GBP3: variants seen among roughly 807,000 people sequenced by gnomAD.
The protein encoded by GBP3 is guanylate-binding protein 3.
GBP3 carries 55 observed loss-of-function variants against 62.4 expected under a neutral mutation model. The ratio of observed to expected loss-of-function variants is 0.88; its 90% CI spans 0.71 to 1.10. The LOEUF (loss-of-function observed/expected upper bound fraction) is 1.10. GBP3 is among the 50% of genes least tolerant of loss of function. The pLI, the probability that GBP3 is intolerant of heterozygous loss-of-function variation, is 0.00. For missense variants in GBP3, 605 were observed against 690.6 expected, an observed-to-expected ratio of 0.88 and a Z score of 1.39; for synonymous variants, 208 against 259.2, an observed-to-expected ratio of 0.80 and a Z score of 1.90.
In GBP3 at chr1:89,009,442, G is replaced by T. The variant is rs188919484; in HGVS notation, c.1415C>A (p.Ala472Glu). Residue 472 changes from alanine to glutamate, a missense_variant, in exon 9 of 11, where the codon GCA becomes GAA. Around this residue, in one of 3 missense-constraint regions of GBP3, gnomAD observed 160 missense variants for 147.8 expected, o/e 1.08. Coordinates refer to ENST00000370481, the MANE Select transcript of GBP3 (RefSeq NM_018284.3). ...GAGAATCTGGTCTGTCTGTAGAATT[G>T]CATCGGTCACAGACTCCTTGGATTT... ...YLKSKESVTDAILQTDQILTE... is the reference protein window; with the variant it reads ...YLKSKESVTDEILQTDQILTE... 1 of 1,614,074 alleles carries T rather than the reference G, an allele frequency of 6.2e-7. No homozygotes were observed. The highest frequency in any genetic ancestry group is 8.5e-7 in the Non-Finnish European group (1 of 1,179,986).
intron 4 of GBP3, 70 bp from the exon 5 acceptor site, chr1:89,014,349 C>A: frequency 6.2e-7 from 1 of 1,609,010 alleles, no homozygotes; most frequent in Non-Finnish European, 8.5e-7. Flanking sequence ...CAACACATTC[C>A]CAAACCTTCC....
chr1:89,018,221 A>G (rs1034858104), intron 2 of GBP3, among the ~76,000 whole-genome samples: 12 of 152,260 alleles, frequency 7.9e-5, no homozygotes, highest in African/African-American at 2.9e-4. Context: ...GACTGCCAGA[A>G]TGAGCCAACG....
At chr1:89,009,316 A>T in intron 9 of GBP3, 76 bp downstream of exon 9, 1 of 1,494,906 alleles carries the variant, frequency 6.7e-7, no homozygotes, top group Non-Finnish European at 9.1e-7. Flanking sequence ...CAAATTATTT[A>T]AAATTTTAAA....
intron 2 of GBP3, among the ~76,000 whole-genome samples, chr1:89,018,200 G>A (rs10922540): frequency 0.72 from 109,128 of 152,164 alleles, 39,548 homozygotes; most frequent in Non-Finnish European, 0.78. Flanking sequence ...TGCAAAGACA[G>A]TGCCAGGTTG....
In GBP3 at chr1:89,010,972, A is replaced by G. The variant is rs760485167; in HGVS notation, c.1294T>C (p.Cys432Arg). Residue 432 changes from cysteine (C) to arginine (R), a missense_variant, in exon 8 of 11, where the codon TGT (cysteine) becomes CGT (arginine). Cys to Arg is a radical substitution (Grantham distance 180). This residue lies in a region of GBP3 where 137 missense variants were observed against 224.7 expected (regional missense o/e 0.61). Coordinates refer to ENST00000370481, the MANE Select transcript of GBP3 (RefSeq NM_018284.3). ...TCTTGTAGCTTCTGAATAAAGAGAC[A>G]ATAGCCCCCTGGTTTCGAATAAATT... ...AGIYSKPGGY[C>R]LFIQKLQDLE... 20 of 1,461,688 alleles carry G rather than the reference A, an allele frequency of 1.4e-5. 4 individuals carry two copies. Among genetic ancestry groups the G allele is most frequent in the East Asian group, 4.6e-5 (2 of 43,200 alleles). 90.5% of individuals were successfully genotyped at this position (1,461,688 alleles called of 1,614,324 possible).
In GBP3 at chr1:89,010,806, C is replaced by CAA. The variant is rs1678516679; in HGVS notation, c.1362+96_1362+97dup. ...AATGAAAGCATGAATGTTATACAGACAAAAAAGCACATCTGTGTGCAGTGA... is the reference window on the plus strand; with the variant it reads ...AATGAAAGCATGAATGTTATACAGACAAAAAAAAGCACATCTGTGTGCAGTGA... On this transcript the variant is annotated intron_variant, in intron 8 of 10. Coordinates refer to ENST00000370481, the MANE Select transcript of GBP3 (RefSeq NM_018284.3). 4 of 1,384,778 alleles carry CAA rather than the reference C, an allele frequency of 2.9e-6. No homozygotes were observed. The East Asian group carries it at 7.0e-5, about 24-fold the overall frequency. The allele number at this position is 1,384,778 out of a possible 1,614,324, so 85.8% of individuals were successfully genotyped here. A position where few individuals can be genotyped will look rare whatever the true frequency, so the allele number is the denominator to read the frequency against.
At chr1:89,021,789 G>GAGAGAC (rs1491370352) in intron 1 of GBP3, among the ~76,000 whole-genome samples, 21 of 9,192 alleles carry the variant, frequency 2.3e-3, no homozygotes, top group Non-Finnish European at 4.5e-4. Flanking sequence ...CTGGAAAGAT[G>GAGAGAC]AGAGAGAGAG....
intron 9 of GBP3, 98 bp downstream of exon 9, chr1:89,009,294 G>A (rs1004458985): frequency 1.9e-5 from 27 of 1,438,980 alleles, no homozygotes; most frequent in East Asian, 2.5e-5. Flanking sequence ...ATGGAACTTA[G>A]GTTTATCCAG....
intron 10 of GBP3, among the ~76,000 whole-genome samples, chr1:89,008,398 G>T (rs1401803486): frequency 6.7e-6 from 1 of 150,054 alleles, no homozygotes; most frequent in African/African-American, 2.5e-5. Context: ...CACAAACTGT[G>T]AGTAGGGCAC....
In GBP3 at chr1:89,008,975, T is replaced by G. The variant is rs781574139; in HGVS notation, c.1631A>C (p.Gln544Pro). The change falls in exon 10 of 11, where the codon CAA becomes CCA. Residue 544 changes from glutamine to proline, a missense_variant. Coordinates refer to ENST00000370481, the MANE Select transcript of GBP3 (RefSeq NM_018284.3). ...AAGTTTACTAGTGAGGGTCTTCTCT[T>G]GCTCTTCCAGCAACTGGGCCCTCTC... is the stretch of plus-strand genomic sequence containing the variant. ...ERERAQLLEE[Q>P]EKTLTSKLQE... 2.5e-6 allele frequency: 4 copies of G among 1,614,064 alleles called. No individual in the cohort carries two copies. In the Admixed American group the frequency reaches 6.7e-5, roughly 27 times the overall value.
chr1:89,019,017 A>T (rs1679036317), intron 2 of GBP3, among the ~76,000 whole-genome samples: 1 of 152,218 alleles, frequency 6.6e-6, no homozygotes, highest in Non-Finnish European at 1.5e-5. Flanking sequence ...TTCTGTTGGG[A>T]ATGCTAAATG....
rs149812141 is a variant in GBP3 at position 89,008,167 on chromosome 1, A to G, written c.1660-315T>C. ...ATTTGACTTCAAATCTTCCCTATGC[A>G]TTATAGACTTTTTAACACACCTACC... On this transcript the variant is annotated intron_variant, in intron 10 of 10. Coordinates refer to ENST00000370481, the MANE Select transcript of GBP3 (RefSeq NM_018284.3). Among the ~76,000 whole-genome samples the G allele has an allele frequency of 5.0e-4, 76 of 151,994 alleles. 4 individuals carry two copies. The East Asian group carries it at 0.015, about 30-fold the overall frequency.
chr1:89,012,540 A>G (rs1286356624), intron 6 of GBP3, among the ~76,000 whole-genome samples: 2 of 138,644 alleles, frequency 1.4e-5, no homozygotes, highest in Non-Finnish European at 3.3e-5. Flanking sequence ...CACTAAGTAC[A>G]TGTAAATATA....
chr1:89,020,537 T>C lies in GBP3; in HGVS notation c.185A>G (p.Asn62Ser). Reference protein sequence around the residue: ...SYLMNKLAGKNKGFSLGSTVK... With the variant: ...SYLMNKLAGKSKGFSLGSTVK... ...GCTTTGCTCATGCCACTCACCCTTATTCTTCCCAGCTAGCTTGTTCATCAG... is the reference window on the plus strand; with the variant it reads ...GCTTTGCTCATGCCACTCACCCTTACTCTTCCCAGCTAGCTTGTTCATCAG... The change falls in exon 2 of 11, where the codon AAT becomes AGT. Residue 62 changes from asparagine (N) to serine (S), a missense_variant. Asn to Ser is a conservative substitution (Grantham distance 46). Coordinates refer to ENST00000370481, the MANE Select transcript of GBP3 (RefSeq NM_018284.3). 6.2e-7 allele frequency: 1 copy of C among 1,614,200 alleles called. No homozygotes were observed. Among genetic ancestry groups the C allele is most frequent in the Non-Finnish European group, 8.5e-7 (1 of 1,180,018 alleles).
At chr1:89,022,514 C>T (rs1679303798) in intron 1 of GBP3, among the ~76,000 whole-genome samples, 170 bp downstream of exon 1, 2 of 152,224 alleles carry the variant, frequency 1.3e-5, no homozygotes, top group Non-Finnish European at 2.9e-5. Context: ...ATGATTTTAT[C>T]TGACCTGTGT....
chr1:89,007,773 G>A lies in GBP3; in HGVS notation c.1739C>T (p.Thr580Ile). 6.2e-7 allele frequency: 1 copy of A among 1,611,852 alleles called. No individual in the cohort carries two copies. The highest frequency in any genetic ancestry group is 8.5e-7 in the Non-Finnish European group (1 of 1,179,010). Residue 580 changes from threonine (T) to isoleucine (I), a missense_variant, in exon 11 of 11, where the codon ACC becomes ATC. Thr to Ile is a moderately conservative substitution (Grantham distance 89). Transcript: ENST00000370481. The stretch of plus-strand genomic sequence containing the variant: ...ATATCTCTTGGTTTTTTTTTTCAGG[G>A]TCTTCTGTAGCTTTTGTATCTCATT... ...LQNEIQKLQKTLKKKTKRYMS... is the reference protein window; with the variant it reads ...LQNEIQKLQKILKKKTKRYMS...
At chr1:89,018,236 G>A (rs1678993436) in intron 2 of GBP3, among the ~76,000 whole-genome samples, 1 of 152,208 alleles carries the variant, frequency 6.6e-6, no homozygotes, top group Non-Finnish European at 1.5e-5. Flanking sequence ...CCAACGGGAC[G>A]TGATGTGCTT....
chr1:89,012,594 T>C (rs562976122), intron 6 of GBP3, among the ~76,000 whole-genome samples: 1 of 139,200 alleles, frequency 7.2e-6, no homozygotes, highest in Admixed American at 7.4e-5. Context: ...TAATTTTTCC[T>C]TATTTTAATT....
rs1678435196 is a variant in GBP3, at chr1:89,009,511, C to T, written c.1363-17G>A. 5 of 1,612,330 alleles carry T rather than the reference C, an allele frequency of 3.1e-6. No homozygotes were observed. The African/African-American group carries it at 6.7e-5, about 22-fold the overall frequency. On this transcript the variant is annotated splice_polypyrimidine_tract_variant and intron_variant, in intron 8 of 10. Coordinates refer to ENST00000370481, the MANE Select transcript of GBP3 (RefSeq NM_018284.3). ...CTCTTCAGCCTTAGGACCCAGAGAA[C>T]ACAGAGTGAGAAGTAGGAAATGGCT...
Sources: gnomAD v4.1 joint callset for allele counts (sites outside exome capture counted in the v4.1 genomes callset) on GRCh38, gnomAD v4.1.1 for gene constraint, gnomAD v4.1.1 regional missense constraint, MANE v1.5 for transcripts, NCBI Gene and HGNC (gene_info 2026-07-23, HGNC 2026-07-21) for gene names.